Variants in NEDD9 observed in about 807,000 individuals in gnomAD.
The protein encoded by NEDD9 is neural precursor cell expressed, developmentally down-regulated 9.
A neutral mutation model predicts 76.6 loss-of-function variants in NEDD9; 26 were observed. That is an observed-to-expected ratio of 0.34 (90% CI 0.25 to 0.47). The LOEUF (loss-of-function observed/expected upper bound fraction) is 0.47, where lower values mean the gene tolerates loss of function less well. Among genes scored for constraint, NEDD9 ranks in the 20% least tolerant of loss-of-function variants. NEDD9 has a pLI of 1.00. For synonymous variants in NEDD9, 392 were observed against 414.2 expected (o/e 0.95, Z 0.65); for missense variants, 937 against 1,058.5 (o/e 0.89, Z 1.59).
At chr6:11,323,325 G>A (rs1290951675) in intron 2 of NEDD9, among the ~76,000 whole-genome samples, 1 of 152,250 alleles carries the variant, frequency 6.6e-6, no homozygotes, top group Non-Finnish European at 1.5e-5. Context: ...GTGCTAGAAG[G>A]AAGCCAAAGC....
intron 3 of NEDD9, among the ~76,000 whole-genome samples, chr6:11,272,739 A>T (rs967175623): frequency 6.6e-6 from 1 of 152,154 alleles, no homozygotes; most frequent in African/African-American, 2.4e-5. Context: ...GGAGTCTCCA[A>T]GGTGCAGAAA....
chr6:11,320,428 G>A (rs894958974), intron 2 of NEDD9, among the ~76,000 whole-genome samples: 3 of 152,082 alleles, frequency 2.0e-5, no homozygotes, highest in South Asian at 2.1e-4. Flanking sequence ...GCCAGGTCCC[G>A]TTGCACTATT....
Position 11,213,772 on chromosome 6 carries a change from C to A in NEDD9, c.13-45G>T. Reference sequence around the variant, plus strand: ...AGGAAACCGTGTTAGAATATTGGGTCGGTCCCTTTATCACCTAAGGCCCGT... The same window carrying A: ...AGGAAACCGTGTTAGAATATTGGGTAGGTCCCTTTATCACCTAAGGCCCGT... On this transcript the variant is annotated intron_variant, in intron 1 of 6. Transcript: ENST00000379446. The surrounding 1 kb of genome is among the most constrained non-coding windows in gnomAD (Gnocchi z 5.4). 1.9e-6 allele frequency: 3 copies of A among 1,584,814 alleles called. No individual in the cohort carries two copies. The South Asian group carries it at 3.4e-5, about 18-fold the overall frequency.
At chr6:11,207,253 C>G (rs1260051572) in intron 2 of NEDD9, among the ~76,000 whole-genome samples, 1 of 152,202 alleles carries the variant, frequency 6.6e-6, no homozygotes, top group Non-Finnish European at 1.5e-5. Flanking sequence ...TGGCTAGTAT[C>G]TGAGTGTCGC....
intron 2 of NEDD9, among the ~76,000 whole-genome samples, chr6:11,212,771 G>A (rs370752763): frequency 6.3e-4 from 96 of 152,134 alleles, no homozygotes; most frequent in Non-Finnish European, 1.2e-3. Flanking sequence ...TCTATAGAAC[G>A]AGTTGGTCAG....
upstream of NEDD9, among the ~76,000 whole-genome samples, chr6:11,235,281 C>G (rs1197698949): frequency 2.0e-5 from 3 of 151,920 alleles, no homozygotes; most frequent in East Asian, 5.8e-4. This position sits in a 1 kb window ranked among gnomAD's most constrained non-coding sequence, Gnocchi z 4.1. Flanking sequence ...TTAATTATAA[C>G]TAGTATTAAT....
In NEDD9 at chr6:11,213,445, C is replaced by T; in HGVS notation, c.295G>A (p.Ala99Thr). 6.2e-7 allele frequency: 1 copy of T among 1,614,054 alleles called. No individual in the cohort carries two copies. Residue 99 changes from alanine to threonine, a missense_variant, in exon 2 of 7, where the codon GCT (alanine) becomes ACT (threonine). Transcript: ENST00000379446. This position sits in a 1 kb window ranked among gnomAD's most constrained non-coding sequence, Gnocchi z 5.4. ...TGGTAGATGGTGTCTCGGGGAGCAG[C>T]CTGTGGGTTTGGCACTTGATAGAGC... The part of the protein sequence containing the change: ...QKLYQVPNPQ[A>T]APRDTIYQVP...
intron 2 of NEDD9, among the ~76,000 whole-genome samples, chr6:11,314,852 A>G (rs976163980): frequency 2.7e-5 from 4 of 150,134 alleles, no homozygotes; most frequent in African/African-American, 1.0e-4. Flanking sequence ...CAGGCATCAA[A>G]TAAAGAGATC....
chr6:11,189,313 G>A (rs1284757482), intron 5 of NEDD9, among the ~76,000 whole-genome samples: 1 of 152,158 alleles, frequency 6.6e-6, no homozygotes, highest in Non-Finnish European at 1.5e-5. Context: ...TTGGAGCTTG[G>A]TAGAATTCCC....
chr6:11,312,495 C>A (rs927582289), intron 2 of NEDD9, among the ~76,000 whole-genome samples: 1 of 152,118 alleles, frequency 6.6e-6, no homozygotes, highest in Non-Finnish European at 1.5e-5. Context: ...ACTGCATTGG[C>A]CCTTGAGACT....
At chr6:11,355,733 T>A (rs1378603145) in intron 1 of NEDD9, among the ~76,000 whole-genome samples, 1 of 152,042 alleles carries the variant, frequency 6.6e-6, no homozygotes, top group Non-Finnish European at 1.5e-5. Flanking sequence ...TTTTAATTAT[T>A]TTTTTGAGAC....
intron 3 of NEDD9, among the ~76,000 whole-genome samples, chr6:11,293,153 C>G (rs1248628832): frequency 2.6e-5 from 4 of 151,106 alleles, no homozygotes; most frequent in Non-Finnish European, 5.9e-5. Context: ...TTTTTAAATG[C>G]CTTCTTTGTG....
intron 1 of NEDD9, among the ~76,000 whole-genome samples, chr6:11,362,831 G>T (rs1762700877): frequency 6.6e-6 from 1 of 152,136 alleles, no homozygotes; most frequent in Non-Finnish European, 1.5e-5. Flanking sequence ...TCTATTCTTG[G>T]ATCTATGGGG....
chr6:11,256,954 C>T (rs1760014982), intron 3 of NEDD9, among the ~76,000 whole-genome samples: 1 of 152,218 alleles, frequency 6.6e-6, no homozygotes, highest in Non-Finnish European at 1.5e-5. Context: ...CAGGCCAAGC[C>T]TCTCTTAGAG....
At chr6:11,200,125 G>A in intron 2 of NEDD9, 2 of 215,724 alleles carry the variant, frequency 9.3e-6, no homozygotes, top group South Asian at 5.6e-5. Context: ...CTGGGAGGCT[G>A]TGCTGGGTTT....
chr6:11,277,406 G>T (rs1364364069), intron 3 of NEDD9, among the ~76,000 whole-genome samples: 1 of 152,196 alleles, frequency 6.6e-6, no homozygotes, highest in Non-Finnish European at 1.5e-5. Flanking sequence ...TGGCGTTTGG[G>T]GGTGGGGAAG....
chr6:11,366,294 G>GGAAGGAAA (rs58662867), intron 1 of NEDD9, among the ~76,000 whole-genome samples: 2 of 117,298 alleles, frequency 1.7e-5, no homozygotes, highest in African/African-American at 6.9e-5. Context: ...AAGGAAGGAA[G>GGAAGGAAA]GAAAGAAAGA....
In NEDD9 at chr6:11,213,565, G is replaced by A. The variant is rs779369553; in HGVS notation, c.175C>T (p.Arg59Trp). Reference protein sequence around the residue: ...HGRQGIVPGNRVKLLIGPMQE... With the variant: ...HGRQGIVPGNWVKLLIGPMQE... ...ATGGGACCAATCAGAAGCTTCACCC[G>A]GTTGCCTGGGACAATGCCTTGCCGA... Residue 59 changes from arginine to tryptophan, a missense_variant, in exon 2 of 7, where the codon CGG becomes TGG. Coordinates refer to ENST00000379446, the MANE Select transcript of NEDD9 (RefSeq NM_006403.4). The surrounding 1 kb of genome is among the most constrained non-coding windows in gnomAD (Gnocchi z 5.4). The A allele has an allele frequency of 5.6e-6, 9 of 1,614,032 alleles. No homozygotes were observed. Among genetic ancestry groups the A allele is most frequent in the African/African-American group, 2.7e-5 (2 of 74,916 alleles).
chr6:11,255,617 C>A (rs1432675438), intron 3 of NEDD9, among the ~76,000 whole-genome samples: 1 of 151,994 alleles, frequency 6.6e-6, no homozygotes, highest in Admixed American at 6.6e-5. Flanking sequence ...GCAAGCTTGG[C>A]GCATGGTGGG....
Sources: allele counts gnomAD v4.1 joint callset (sites outside exome capture counted in the v4.1 genomes callset), GRCh38; gene constraint gnomAD v4.1.1; non-coding constraint Gnocchi (gnomAD v3.1); transcripts MANE v1.5; gene names NCBI Gene and HGNC (gene_info 2026-07-23, HGNC 2026-07-21).